The following OR3A2 variants were observed in gnomAD, a reference collection of about 807,000 sequenced individuals.
The protein encoded by OR3A2 is olfactory receptor family 3 subfamily A member 2.
For synonymous variants in OR3A2, 126 were observed against 159.3 expected, an observed-to-expected ratio of 0.79 and a Z score of 1.57; for missense variants, 318 against 392.8, an observed-to-expected ratio of 0.81 and a Z score of 1.61.
chr17:3,318,938 T>G (rs749503070), intron 3 of OR3A2, among the ~76,000 whole-genome samples: 1 of 148,218 alleles, frequency 6.7e-6, no homozygotes, highest in African/African-American at 2.6e-5. Flanking sequence ...TTTCCTATTG[T>G]AGTTTTACTT....
At chr17:3,380,896 C>A (rs904986179) in intron 2 of OR3A2, among the ~76,000 whole-genome samples, 1 of 152,154 alleles carries the variant, frequency 6.6e-6, no homozygotes, top group African/African-American at 2.4e-5. Flanking sequence ...AAGGAGGGAA[C>A]CGGTATGTGG....
At position 3,356,354 on chromosome 17, in the gene OR3A2, C is replaced by T. The variant is rs554232583; in HGVS notation, c.-178-20228G>A. On this transcript the variant is annotated intron_variant, in intron 2 of 4. Coordinates refer to the OR3A2 transcript ENST00000573491. ...TGTACCTTCAGATAATTTTTCCTTG[C>T]TCATTAACATCCTTTTCTTTCAGAG... Among the ~76,000 whole-genome samples, 21 of 151,512 alleles carry T rather than the reference C, an allele frequency of 1.4e-4. 1 individual carries two copies. Among genetic ancestry groups the T allele is most frequent in the African/African-American group, 4.9e-4 (20 of 41,014 alleles).
chr17:3,314,572 A>G (rs1212384495), intron 3 of OR3A2, among the ~76,000 whole-genome samples: 1 of 152,162 alleles, frequency 6.6e-6, no homozygotes, highest in Non-Finnish European at 1.5e-5. Flanking sequence ...TGTGGAGGGA[A>G]TAGGACTGGG....
Position 3,313,062 on chromosome 17 carries a change from A to G in OR3A2, c.-85+22971T>C, listed in dbSNP as rs78836825. Among the ~76,000 whole-genome samples, 373 of 152,372 alleles carry G rather than the reference A, an allele frequency of 2.4e-3. 3 individuals are homozygous for G. The highest frequency in any genetic ancestry group is 8.4e-3 in the African/African-American group (349 of 41,586). ...GGGGAATATCATTTGCAATTTATCA[A>G]TGAGTAAGTACTGGAACCTGAGATT... On this transcript the variant is annotated intron_variant, in intron 3 of 4. Coordinates refer to the OR3A2 transcript ENST00000573491.
chr17:3,282,492 G>A (rs2048782969), intron 1 of OR3A2, among the ~76,000 whole-genome samples: 1 of 147,082 alleles, frequency 6.8e-6, no homozygotes, highest in African/African-American at 2.6e-5. Context: ...TCTACAGCAA[G>A]GGGATGTCTC....
chr17:3,325,679 CTT>C (rs1166343607), intron 3 of OR3A2, among the ~76,000 whole-genome samples: 1 of 151,988 alleles, frequency 6.6e-6, no homozygotes, highest in African/African-American at 2.4e-5. Context: ...GATCAAGCCT[CTT>C]TTTAAAAATT....
chr17:3,285,204 G>A (rs179694), upstream of OR3A2, among the ~76,000 whole-genome samples: 77,912 of 151,896 alleles, frequency 0.51, 21,744 homozygotes, highest in East Asian at 0.93. Flanking sequence ...AGATGTAGGC[G>A]TGTGTTCCTC....
At chr17:3,356,395 A>C (rs1374998804) in intron 2 of OR3A2, among the ~76,000 whole-genome samples, 1 of 151,428 alleles carries the variant, frequency 6.6e-6, no homozygotes, top group Non-Finnish European at 1.5e-5. Flanking sequence ...ACTTCCATTT[A>C]GCATTTCTTG....
At chr17:3,384,809 T>C (rs2049765118) in intron 1 of OR3A2, among the ~76,000 whole-genome samples, 1 of 152,150 alleles carries the variant, frequency 6.6e-6, no homozygotes, top group African/African-American at 2.4e-5. Flanking sequence ...TGGCTGCTTT[T>C]GCACTGCAAC....
intron 2 of OR3A2, among the ~76,000 whole-genome samples, chr17:3,378,486 G>A (rs1379459544): frequency 6.6e-6 from 1 of 152,168 alleles, no homozygotes; most frequent in Non-Finnish European, 1.5e-5. Flanking sequence ...CCCTAAGAGT[G>A]CAGGGATGCT....
chr17:3,339,369 A>G (rs2049297451), intron 2 of OR3A2, among the ~76,000 whole-genome samples: 2 of 152,210 alleles, frequency 1.3e-5, no homozygotes, highest in Admixed American at 1.3e-4. Context: ...GAATACTTCC[A>G]GTTTTTGCCC....
At chr17:3,338,754 G>T (rs1433868342) in intron 2 of OR3A2, among the ~76,000 whole-genome samples, 1 of 152,124 alleles carries the variant, frequency 6.6e-6, no homozygotes, top group African/African-American at 2.4e-5. Flanking sequence ...GGCAATGCAG[G>T]CTCTTTTTTG....
upstream of OR3A2, among the ~76,000 whole-genome samples, chr17:3,288,639 A>G: frequency 6.6e-6 from 1 of 152,340 alleles, no homozygotes; most frequent in Non-Finnish European, 1.5e-5. Context: ...CAAATATAAA[A>G]AGATATATAT....
chr17:3,346,652 T>G (rs1385186030), intron 2 of OR3A2, among the ~76,000 whole-genome samples: 1 of 152,162 alleles, frequency 6.6e-6, no homozygotes, highest in South Asian at 2.1e-4. Context: ...CATGGTTTTT[T>G]TTTTTGTACC....
chr17:3,319,463 T>C (rs536401600), intron 3 of OR3A2, among the ~76,000 whole-genome samples: 311 of 152,252 alleles, frequency 2.0e-3, no homozygotes, highest in Non-Finnish European at 3.0e-3. Context: ...GCCATGTTGG[T>C]GTGCTGCACC....
At position 3,355,453 on chromosome 17, in the gene OR3A2, TCTCTCTC is replaced by T. The variant is rs773129773; in HGVS notation, c.-178-19334_-178-19328del. ...TTCTCTCTCTCTCTCTCTCTCTCTC[TCTCTCTC>T]TTTAGCTCTAATAATGTTTGCTTTA... On this transcript the variant is annotated intron_variant, in intron 2 of 4. Coordinates refer to the OR3A2 transcript ENST00000573491. Among the ~76,000 whole-genome samples the T allele has an allele frequency of 4.0e-5, 5 of 124,998 alleles. 1 individual carries two copies. Among genetic ancestry groups the T allele is most frequent in the African/African-American group, 1.1e-4 (4 of 34,868 alleles). The allele number at this position is 124,998 out of a possible 152,430, so 82.0% of individuals were successfully genotyped here.
rs369952956 is a variant in OR3A2, at chr17:3,329,127, G to A, written c.-85+6906C>T. On this transcript the variant is annotated intron_variant, in intron 3 of 4. Coordinates refer to the OR3A2 transcript ENST00000573491. ...ATTCAGTTTGCCAGTATTTTATTGA[G>A]GATTTTTGCATCAATGTTCATCAAG... Among the ~76,000 whole-genome samples the A allele has an allele frequency of 1.4e-3, 210 of 151,822 alleles. No homozygotes were observed. The East Asian group carries it at 0.015, about 10-fold the overall frequency.
At chr17:3,312,269 T>C (rs1021318530) in intron 3 of OR3A2, among the ~76,000 whole-genome samples, 2 of 152,174 alleles carry the variant, frequency 1.3e-5, no homozygotes, top group Non-Finnish European at 2.9e-5. Flanking sequence ...AAAAATGAAA[T>C]GTCTGGCCTC....
At chr17:3,380,728 G>T (rs2049727542) in intron 2 of OR3A2, among the ~76,000 whole-genome samples, 1 of 152,200 alleles carries the variant, frequency 6.6e-6, no homozygotes, top group South Asian at 2.1e-4. Flanking sequence ...ACCATCAAGA[G>T]AAGAATCTGG....
Sources: gnomAD v4.1 joint callset for allele counts (sites outside exome capture counted in the v4.1 genomes callset) on GRCh38, gnomAD v4.1.1 for gene constraint, MANE v1.5 for transcripts, NCBI Gene and HGNC (gene_info 2026-07-23, HGNC 2026-07-21) for gene names.